The following AKNA variants were observed in gnomAD, a reference collection of about 807,000 sequenced individuals.
AKNA encodes the protein microtubule organization protein AKNA.
In AKNA, 67 loss-of-function variants were observed where a neutral mutation model predicts 138.8. The observed-to-expected ratio is 0.48, with a 90% CI of 0.40 to 0.59. The LOEUF is 0.59. Among genes scored for constraint, AKNA ranks in the 20% least tolerant of loss-of-function variants. AKNA has a pLI of 0.00. For synonymous variants in AKNA, 737 were observed against 754.4 expected (o/e 0.98, Z 0.38); for missense variants, 1,813 against 1,880.4 (o/e 0.96, Z 0.66).
intron 4 of AKNA, among the ~76,000 whole-genome samples, chr9:114,369,531 C>T (rs74848702): frequency 1.3e-5 from 2 of 152,160 alleles, no homozygotes; most frequent in African/African-American, 4.8e-5. Context: ...CTAGGCTCTA[C>T]CACAGCACAC....
chr9:114,352,471 C>T lies in AKNA; in HGVS notation c.3059-1450G>A, dbSNP rs115884896. Among the ~76,000 whole-genome samples the T allele has an allele frequency of 3.0e-3, 462 of 151,710 alleles. 6 individuals are homozygous for T. The highest frequency in any genetic ancestry group is 0.011 in the African/African-American group (438 of 41,314). ...AATTAGCTGGACGCAGTGGTGCATACCTGTAGTCCCAGCTACTCGCGAGGC... is the reference window on the plus strand; with the variant it reads ...AATTAGCTGGACGCAGTGGTGCATATCTGTAGTCCCAGCTACTCGCGAGGC... On this transcript the variant is annotated intron_variant, in intron 14 of 21. Coordinates refer to ENST00000374088, the MANE Select transcript of AKNA (RefSeq NM_001317950.2).
At chr9:114,375,011 G>A (rs1833062657) in intron 3 of AKNA, among the ~76,000 whole-genome samples, 1 of 152,196 alleles carries the variant, frequency 6.6e-6, no homozygotes, top group Admixed American at 6.5e-5. Context: ...CCAAGACAAT[G>A]ACCATCAGAG....
intron 14 of AKNA, among the ~76,000 whole-genome samples, chr9:114,354,726 A>G (rs2131873557): frequency 6.6e-6 from 1 of 152,066 alleles, no homozygotes; most frequent in Non-Finnish European, 1.5e-5. Flanking sequence ...AAAAAAAAAA[A>G]AAAATAGTTA....
chr9:114,359,435 T>A (rs753833590), intron 11 of AKNA, 159 bp downstream of exon 11: 4 of 1,395,226 alleles, frequency 2.9e-6, no homozygotes, highest in Non-Finnish European at 3.8e-6. Context: ...CCCAAAATCA[T>A]TTCAAGGGCT....
At chr9:114,339,589 T>C (rs1172551564) in intron 21 of AKNA, among the ~76,000 whole-genome samples, 1 of 152,174 alleles carries the variant, frequency 6.6e-6, no homozygotes, top group Non-Finnish European at 1.5e-5. Flanking sequence ...TGGAAGAATG[T>C]GAAATGGGGC....
rs1833224175 is a variant in AKNA, at chr9:114,376,595, C to T, written c.1212G>A (p.Val404=). The change falls in exon 3 of 22, where the codon GTG becomes GTA. Residue 404 remains valine (V), a synonymous_variant. Coordinates refer to ENST00000374088, the MANE Select transcript of AKNA (RefSeq NM_001317950.2). ...CTCCACTGCTCAACAGCACCTCCTG[C>T]ACAATCTCAGCTGGAGACTTGAAGA... is the stretch of plus-strand genomic sequence containing the variant. The part of the protein sequence containing the change: ...PLIFKSPAEI[V]QEVLLSSGEA... The T allele has an allele frequency of 5.6e-6, 9 of 1,614,030 alleles. No homozygotes were observed. In the East Asian group the frequency reaches 1.6e-4, roughly 28 times the overall value.
chr9:114,387,705 G>T (rs1279964834), intron 1 of AKNA, among the ~76,000 whole-genome samples, 155 bp downstream of exon 1: 1 of 152,160 alleles, frequency 6.6e-6, no homozygotes, highest in South Asian at 2.1e-4. Flanking sequence ...CTGGAGGCCG[G>T]GATCCCCTAA....
chr9:114,353,163 TCA>T (rs1370927257), intron 14 of AKNA, among the ~76,000 whole-genome samples: 2 of 152,110 alleles, frequency 1.3e-5, no homozygotes, highest in African/African-American at 4.8e-5. Flanking sequence ...AAAAACTGAA[TCA>T]CATATAGATT....
rs1274003359 is a variant in AKNA, at chr9:114,345,860, T to C, written c.3661+3A>G. The C allele has an allele frequency of 6.2e-6, 10 of 1,613,682 alleles. No homozygotes were observed. Among genetic ancestry groups the C allele is most frequent in the Non-Finnish European group, 8.5e-6 (10 of 1,179,774 alleles). On this transcript the variant is annotated splice_donor_region_variant and intron_variant, in intron 18 of 21. Coordinates refer to ENST00000374088, the MANE Select transcript of AKNA (RefSeq NM_001317950.2). ...CCCATCCCGGCCCTCCCTCCTGACC[T>C]ACCTGTGTATTGGCCCCGGAAGGTG...
chr9:114,349,126 C>T (rs1830920824), intron 15 of AKNA: 2 of 355,280 alleles, frequency 5.6e-6, no homozygotes, highest in Non-Finnish European at 1.1e-5. Context: ...TGACATCTCC[C>T]CACCCCCAGT....
chr9:114,349,399 C>G (rs969033273), intron 15 of AKNA, among the ~76,000 whole-genome samples: 6 of 152,198 alleles, frequency 3.9e-5, no homozygotes, highest in African/African-American at 1.2e-4. Context: ...CCCTGAACAT[C>G]CCTGAAGTTA....
chr9:114,375,799 T>C (rs1833124687), intron 3 of AKNA, among the ~76,000 whole-genome samples: 1 of 152,142 alleles, frequency 6.6e-6, no homozygotes, highest in South Asian at 2.1e-4. Context: ...AATTTTTTTA[T>C]AGCAGAAGTT....
In AKNA at chr9:114,376,989, G is replaced by C; in HGVS notation, c.818C>G (p.Pro273Arg). 6.2e-7 allele frequency: 1 copy of C among 1,614,200 alleles called. No individual in the cohort carries two copies. The highest frequency in any genetic ancestry group is 8.5e-7 in the Non-Finnish European group (1 of 1,180,024). Reference protein sequence around the residue: ...QDSSAPPAQSPQHATDRWRRE... With the variant: ...QDSSAPPAQSRQHATDRWRRE... ...CCTCCATCTATCTGTGGCATGCTGC[G>C]GACTCTGGGCTGGGGGAGCTGAGGA... The change falls in exon 3 of 22, where the codon CCG becomes CGG. Residue 273 changes from proline (P) to arginine (R), a missense_variant. Coordinates refer to ENST00000374088, the MANE Select transcript of AKNA (RefSeq NM_001317950.2).
rs564678358 is a variant in AKNA at position 114,341,630 on chromosome 9, C to T, written c.3970G>A (p.Gly1324Arg). ...GGCGCTGTTGCCAGATACCACAGTC[C>T]GGGGGGTGGGCGTGGCGACGACCCC... The part of the protein sequence containing the change: ...QAGSSPRPPP[G>R]LWYLATAPPA... The change falls in exon 21 of 22, where the codon GGA (glycine) becomes AGA (arginine). Residue 1324 changes from glycine to arginine, a missense_variant. Transcript: ENST00000374088. The T allele has an allele frequency of 1.1e-5, 18 of 1,611,868 alleles. No homozygotes were observed. The highest frequency in any genetic ancestry group is 6.7e-5 in the African/African-American group (5 of 74,662).
Position 114,336,371 on chromosome 9 carries a change from G to A in AKNA, c.*683C>T, listed in dbSNP as rs1829995640. The A allele has an allele frequency of 6.6e-6, 1 of 152,526 alleles. No individual in the cohort carries two copies. Among genetic ancestry groups the A allele is most frequent in the South Asian group, 2.1e-4 (1 of 4,826 alleles). 9.4% of individuals were successfully genotyped at this position (152,526 alleles called of 1,614,324 possible). A position where few individuals can be genotyped will look rare whatever the true frequency, so the allele number is the denominator to read the frequency against. On this transcript the variant is annotated 3_prime_UTR_variant, in exon 22 of 22. Transcript: ENST00000374088. ...GGCAGGTAGCTGGCCACTGATAAAC[G>A]CCACTGGGATCCTAGGAGAAGCTGG...
chr9:114,331,504 C>G, downstream of AKNA: 2 of 1,380,720 alleles, frequency 1.4e-6, no homozygotes, highest in Non-Finnish European at 2.0e-6. Context: ...GACTCCTCAC[C>G]TGTAAGACAG....
At chr9:114,390,877 T>C (rs1185650011), upstream of AKNA, among the ~76,000 whole-genome samples, 1 of 152,260 alleles carries the variant, frequency 6.6e-6, no homozygotes, top group Non-Finnish European at 1.5e-5. Context: ...CGTGCCCTCC[T>C]TGGGGACTCC....
chr9:114,355,800 T>C, intron 14 of AKNA, 125 bp downstream of exon 14: 1 of 1,030,372 alleles, frequency 9.7e-7, no homozygotes, highest in South Asian at 1.7e-5. Context: ...GTCCACGTTA[T>C]CTGTAATTTC....
At chr9:114,387,999 G>C, upstream of AKNA, 1 of 392,506 alleles carries the variant, frequency 2.5e-6, no homozygotes, top group Admixed American at 2.6e-5. Context: ...CCAAGCTGCT[G>C]CTCACAGACC....
Sources: gnomAD v4.1 joint callset for allele counts (sites outside exome capture counted in the v4.1 genomes callset) on GRCh38, gnomAD v4.1.1 for gene constraint, MANE v1.5 for transcripts, NCBI Gene and HGNC (gene_info 2026-07-23, HGNC 2026-07-21) for gene names.